Variants in TMCO4 observed in about 807,000 individuals in gnomAD.
TMCO4 encodes transmembrane and coiled-coil domain-containing protein 4.
A neutral mutation model predicts 64.7 loss-of-function variants in TMCO4; 58 were observed. The observed-to-expected ratio is 0.90, with a 90% CI of 0.73 to 1.12. The LOEUF (loss-of-function observed/expected upper bound fraction) is 1.12, where lower values mean the gene tolerates loss of function less well. TMCO4 is among the 50% of genes most tolerant of loss of function. The probability of loss-of-function intolerance (pLI) is 0.00; values close to 1 mark genes in which losing one functional copy is unlikely to be tolerated. For synonymous variants in TMCO4, 325 were observed against 346.1 expected, an observed-to-expected ratio of 0.94 and a Z score of 0.68; for missense variants, 780 against 825.9, an observed-to-expected ratio of 0.94 and a Z score of 0.68.
intron 13 of TMCO4, among the ~76,000 whole-genome samples, chr1:19,723,749 G>A (rs534571532): frequency 2.6e-5 from 4 of 152,228 alleles, no homozygotes; most frequent in Admixed American, 6.5e-5. Flanking sequence ...TTCCAGCTCT[G>A]AGCTGGGGCC....
intron 2 of TMCO4, among the ~76,000 whole-genome samples, chr1:19,790,614 T>A (rs2043982345): frequency 6.6e-6 from 1 of 151,914 alleles, no homozygotes; most frequent in Non-Finnish European, 1.5e-5. Context: ...TGAGATACCA[T>A]CTCATGCCAG....
At chr1:19,707,406 T>C (rs549976559) in intron 13 of TMCO4, among the ~76,000 whole-genome samples, 3 of 152,342 alleles carry the variant, frequency 2.0e-5, no homozygotes, top group South Asian at 4.1e-4. Flanking sequence ...GTGGATTGCT[T>C]GAGGCCAGCA....
chr1:19,769,736 G>A (rs964412689), intron 6 of TMCO4, among the ~76,000 whole-genome samples: 1 of 152,072 alleles, frequency 6.6e-6, no homozygotes, highest in African/African-American at 2.4e-5. Context: ...CGGGAGCTGT[G>A]GGGGTGGGGA....
chr1:19,766,443 T>C (rs891258682), intron 6 of TMCO4, among the ~76,000 whole-genome samples: 1 of 152,196 alleles, frequency 6.6e-6, no homozygotes, highest in Non-Finnish European at 1.5e-5. Flanking sequence ...TATTTGTACT[T>C]GAAATTGGAG....
At chr1:19,724,865 A>C (rs753975849) in intron 13 of TMCO4, among the ~76,000 whole-genome samples, 1 of 152,086 alleles carries the variant, frequency 6.6e-6, no homozygotes, top group Admixed American at 6.6e-5. Flanking sequence ...AGGTTCAAGC[A>C]ATTCTCCTGC....
Position 19,796,612 on chromosome 1 carries a change from G to T in TMCO4, c.-101+1525C>A, listed in dbSNP as rs141031923. 3.4e-3 allele frequency among the ~76,000 whole-genome samples: 517 copies of T among 152,036 alleles called. 5 individuals are homozygous for T. Among genetic ancestry groups the T allele is most frequent in the African/African-American group, 0.012 (501 of 41,488 alleles). On this transcript the variant is annotated intron_variant, in intron 2 of 15. Coordinates refer to ENST00000294543, the MANE Select transcript of TMCO4 (RefSeq NM_181719.7). The stretch of plus-strand genomic sequence containing the variant: ...TTTTTTTGAGATGGAGTCTTGCTCT[G>T]TTGCCAGGCTGGAGTGCAGTAGCTC...
intron 15 of TMCO4, among the ~76,000 whole-genome samples, chr1:19,693,813 C>T (rs1315113619): frequency 2.0e-5 from 3 of 152,136 alleles, no homozygotes; most frequent in Non-Finnish European, 4.4e-5. Flanking sequence ...CCACCTGTGT[C>T]CCCTGCTTGC....
intron 13 of TMCO4, among the ~76,000 whole-genome samples, chr1:19,725,690 T>C (rs984583686): frequency 2.6e-5 from 4 of 152,138 alleles, no homozygotes; most frequent in Non-Finnish European, 5.9e-5. Flanking sequence ...TAGAGGGGGA[T>C]TGTTCATTGC....
Position 19,682,899 on chromosome 1 carries a change from C to T in TMCO4, c.*141G>A. The T allele has an allele frequency of 5.0e-6, 6 of 1,197,716 alleles. No homozygotes were observed. Among genetic ancestry groups the T allele is most frequent in the Non-Finnish European group, 7.1e-6 (6 of 843,028 alleles). 74.2% of individuals were successfully genotyped at this position (1,197,716 alleles called of 1,614,324 possible). ...AATTCCCCTTCCTTCCATTTCCTTT[C>T]CCTTTCAGTTCCAATTCCTTCCATT... On this transcript the variant is annotated 3_prime_UTR_variant, in exon 16 of 16. Coordinates refer to ENST00000294543, the MANE Select transcript of TMCO4 (RefSeq NM_181719.7).
chr1:19,739,845 G>A lies in TMCO4; in HGVS notation c.1158C>T (p.His386=), dbSNP rs762885224. Residue 386 remains histidine, a synonymous_variant, in exon 12 of 16, where the codon CAC becomes CAT. Coordinates refer to ENST00000294543, the MANE Select transcript of TMCO4 (RefSeq NM_181719.7). Reference sequence around the variant, plus strand: ...GTACCTGCTGCCGGGAGAGCAGGATGTGGGCCAGGTGCTTGCCAACCTCTG... The same window carrying A: ...GTACCTGCTGCCGGGAGAGCAGGATATGGGCCAGGTGCTTGCCAACCTCTG... The part of the protein sequence containing the change: ...RSAEVGKHLA[H]ILLSRQQGRR... 16 of 1,613,744 alleles carry A rather than the reference G, an allele frequency of 9.9e-6. No homozygotes were observed. In the South Asian group the frequency reaches 1.3e-4, roughly 13 times the overall value.
chr1:19,737,546 C>G, intron 12 of TMCO4, 90 bp from the exon 13 acceptor site: 1 of 1,130,242 alleles, frequency 8.8e-7, no homozygotes. Context: ...TTGCACATTC[C>G]TTACCACCTG....
At chr1:19,750,880 G>A (rs2041996714) in intron 7 of TMCO4, among the ~76,000 whole-genome samples, 1 of 152,180 alleles carries the variant, frequency 6.6e-6, no homozygotes. Flanking sequence ...CTGACTCTGG[G>A]CCCCTTAACC....
intron 7 of TMCO4, among the ~76,000 whole-genome samples, chr1:19,750,557 C>T (rs565397337): frequency 6.6e-6 from 1 of 152,176 alleles, no homozygotes; most frequent in Non-Finnish European, 1.5e-5. Flanking sequence ...ATAACCATGA[C>T]TACCTGCCTC....
At chr1:19,749,569 C>T (rs868234851) in intron 7 of TMCO4, among the ~76,000 whole-genome samples, 7 of 152,178 alleles carry the variant, frequency 4.6e-5, no homozygotes, top group South Asian at 2.1e-4. Context: ...GGTTTTGCCA[C>T]GTTGCCCAGG....
chr1:19,781,641 C>CTTTTTTTTTTTTTTTTT (rs1202912744), intron 3 of TMCO4, among the ~76,000 whole-genome samples: 1 of 134,414 alleles, frequency 7.4e-6, no homozygotes, highest in Non-Finnish European at 1.6e-5. Flanking sequence ...ACAGAACTTT[C>CTTTTTTTTTTTTTTTTT]TTTTTTTTTT....
At chr1:19,792,924 T>C (rs2044122779) in intron 2 of TMCO4, among the ~76,000 whole-genome samples, 1 of 151,980 alleles carries the variant, frequency 6.6e-6, no homozygotes, top group African/African-American at 2.4e-5. Context: ...GTGCACACCA[T>C]GATGCCTGGC....
At chr1:19,775,942 G>A (rs1201649226) in intron 4 of TMCO4, among the ~76,000 whole-genome samples, 1 of 152,194 alleles carries the variant, frequency 6.6e-6, no homozygotes, top group Non-Finnish European at 1.5e-5. Context: ...TTGAGATGGA[G>A]TATCGCTCTG....
intron 13 of TMCO4, among the ~76,000 whole-genome samples, chr1:19,735,383 G>T (rs1313430232): frequency 6.6e-6 from 1 of 152,206 alleles, no homozygotes; most frequent in African/African-American, 2.4e-5. Context: ...GGCAAAGCTA[G>T]GAGCCAAATC....
At position 19,706,215 on chromosome 1, in the gene TMCO4, T is replaced by C. The variant is rs528001388; in HGVS notation, c.1265-5330A>G. Among the ~76,000 whole-genome samples, 5 of 152,330 alleles carry C rather than the reference T, an allele frequency of 3.3e-5. No individual in the cohort carries two copies. In the South Asian group the frequency reaches 6.2e-4, roughly 19 times the overall value. Reference sequence around the variant, plus strand: ...CCACCGCATCTGGCCCAGGTACCACTTGCAGTGTCAAGCAAGTCCCTTCCA... The same window carrying C: ...CCACCGCATCTGGCCCAGGTACCACCTGCAGTGTCAAGCAAGTCCCTTCCA... On this transcript the variant is annotated intron_variant, in intron 13 of 15. Coordinates refer to ENST00000294543, the MANE Select transcript of TMCO4 (RefSeq NM_181719.7).
Sources: allele counts gnomAD v4.1 joint callset (sites outside exome capture counted in the v4.1 genomes callset), GRCh38; gene constraint gnomAD v4.1.1; transcripts MANE v1.5; gene names NCBI Gene and HGNC (gene_info 2026-07-23, HGNC 2026-07-21).